The following SLC44A5 variants were observed in gnomAD, a reference collection of about 807,000 sequenced individuals.
SLC44A5 encodes the protein choline transporter-like protein 5.
A neutral mutation model predicts 101.8 loss-of-function variants in SLC44A5; 57 were observed. The observed-to-expected ratio is 0.56, with a 90% CI of 0.45 to 0.70. SLC44A5 has a LOEUF of 0.70. Among genes scored for constraint, SLC44A5 ranks in the 30% least tolerant of loss-of-function variants. SLC44A5 has a pLI of 0.00. For missense variants in SLC44A5, 737 were observed against 853.1 expected (o/e 0.86, Z 1.70); for synonymous variants, 281 against 290.9 (o/e 0.97, Z 0.35).
rs211777 is a variant in SLC44A5 at position 75,557,346 on chromosome 1, T to C, written c.-69-15830A>G. Reference sequence around the variant, plus strand: ...ATGTAGATGACTTTTTAGAGTAGCATTATTTTCTTATCTAATGCAGGCAAC... The same window carrying C: ...ATGTAGATGACTTTTTAGAGTAGCACTATTTTCTTATCTAATGCAGGCAAC... On this transcript the variant is annotated intron_variant, in intron 1 of 23. Transcript: ENST00000370859. Among the ~76,000 whole-genome samples, 1,023 of 152,228 alleles carry C rather than the reference T, an allele frequency of 6.7e-3. 10 individuals are homozygous for C. The highest frequency in any genetic ancestry group is 0.021 in the African/African-American group (865 of 41,554).
intron 3 of SLC44A5, among the ~76,000 whole-genome samples, chr1:75,368,126 T>C (rs1292594638): frequency 6.6e-6 from 1 of 152,186 alleles, no homozygotes; most frequent in Non-Finnish European, 1.5e-5. Context: ...AATATCAATA[T>C]TACTGAGAAA....
the SLC44A5 span, among the ~76,000 whole-genome samples, chr1:75,694,704 G>A: frequency 6.6e-6 from 1 of 152,098 alleles, no homozygotes; most frequent in African/African-American, 2.4e-5. Context: ...TAAAATCTAT[G>A]TAAATGTGTA....
In SLC44A5 at chr1:75,218,551, T is replaced by C; in HGVS notation, c.1468A>G (p.Met490Val). The change falls in exon 17 of 24, where the codon ATG becomes GTG. Residue 490 changes from methionine to valine, a missense_variant. Around this residue, in one of 3 missense-constraint regions of SLC44A5, gnomAD observed 665 missense variants for 764.4 expected, o/e 0.87. Coordinates refer to ENST00000370859, the MANE Select transcript of SLC44A5 (RefSeq NM_001130058.2). The stretch of plus-strand genomic sequence containing the variant: ...CGTGGGATGTCATCAGGTTTTTTCA[T>C]GGCCCAGTAATAAGTAGCGAATGCA... ...AGAFATYYWA[M>V]KKPDDIPRYP... The C allele has an allele frequency of 2.5e-6, 4 of 1,613,834 alleles. No homozygotes were observed. Among genetic ancestry groups the C allele is most frequent in the Non-Finnish European group, 2.5e-6 (3 of 1,179,776 alleles).
chr1:75,227,849 G>A lies in SLC44A5; in HGVS notation c.862C>T (p.His288Tyr), dbSNP rs998502531. 3 of 1,582,210 alleles carry A rather than the reference G, an allele frequency of 1.9e-6. No individual in the cohort carries two copies. Among genetic ancestry groups the A allele is most frequent in the African/African-American group, 2.8e-5 (2 of 72,718 alleles). ...VIGIIGYGIWHCYQQYTNLQE... is the reference protein window; with the variant it reads ...VIGIIGYGIWYCYQQYTNLQE... ...AGATTGGTGTACTGCTGGTAACAGT[G>A]CCATATTCCTTGAAAAAGAAAGAAA... Residue 288 changes from histidine to tyrosine, a missense_variant, in exon 13 of 24, where the codon CAC (histidine) becomes TAC (tyrosine). His to Tyr is a moderately conservative substitution (Grantham distance 83). Coordinates refer to ENST00000370859, the MANE Select transcript of SLC44A5 (RefSeq NM_001130058.2).
At chr1:75,695,201 A>T in the SLC44A5 span, among the ~76,000 whole-genome samples, 2 of 152,208 alleles carry the variant, frequency 1.3e-5, no homozygotes, top group Non-Finnish European at 2.9e-5. Context: ...AGTAGCAGAC[A>T]TTCTGCCCAC....
chr1:75,327,750 C>T (rs1468007651), intron 4 of SLC44A5, among the ~76,000 whole-genome samples: 1 of 152,100 alleles, frequency 6.6e-6, no homozygotes, highest in Non-Finnish European at 1.5e-5. Context: ...ATATATTTCC[C>T]CATTAATTCT....
upstream of SLC44A5, among the ~76,000 whole-genome samples, chr1:75,612,676 A>G (rs1215789577): frequency 2.0e-5 from 3 of 152,140 alleles, no homozygotes; most frequent in Non-Finnish European, 4.4e-5. Flanking sequence ...CCGTATCCCT[A>G]GTGTTTTGCA....
the SLC44A5 span, among the ~76,000 whole-genome samples, chr1:75,618,053 T>C: frequency 1.3e-5 from 2 of 152,196 alleles, no homozygotes; most frequent in Non-Finnish European, 2.9e-5. Flanking sequence ...TGTAACTCTT[T>C]TAACTCAATA....
At chr1:75,408,433 A>G (rs1570175950) in intron 2 of SLC44A5, among the ~76,000 whole-genome samples, 1 of 152,198 alleles carries the variant, frequency 6.6e-6, no homozygotes, top group East Asian at 1.9e-4. Flanking sequence ...TTGCAGCACT[A>G]TTCACAACAG....
the SLC44A5 span, among the ~76,000 whole-genome samples, chr1:75,663,869 T>A: frequency 6.6e-6 from 1 of 152,096 alleles, no homozygotes; most frequent in Non-Finnish European, 1.5e-5. Flanking sequence ...AGAAAACTAC[T>A]GGCCAATATC....
intron 2 of SLC44A5, among the ~76,000 whole-genome samples, chr1:75,455,087 A>C (rs948189732): frequency 6.6e-6 from 1 of 152,170 alleles, no homozygotes; most frequent in Non-Finnish European, 1.5e-5. Flanking sequence ...AAAAAGAACA[A>C]AGTCAGAAGC....
chr1:75,226,689 C>T (rs775516725), intron 13 of SLC44A5, among the ~76,000 whole-genome samples: 1 of 151,810 alleles, frequency 6.6e-6, no homozygotes, highest in African/African-American at 2.4e-5. Context: ...TTGAATGTGT[C>T]TTGTCTGGCT....
At chr1:75,690,354 A>G in the SLC44A5 span, among the ~76,000 whole-genome samples, 2 of 152,126 alleles carry the variant, frequency 1.3e-5, no homozygotes, top group Non-Finnish European at 2.9e-5. Context: ...ACAGCATGGG[A>G]GAAACTGCCC....
chr1:75,227,656 T>G, intron 13 of SLC44A5, 70 bp downstream of exon 13: 1 of 1,344,378 alleles, frequency 7.4e-7, no homozygotes, highest in Non-Finnish European at 9.9e-7. Context: ...CCAACCCAAG[T>G]TTTCCTTTAG....
At chr1:75,582,297 G>A (rs746214459) in intron 1 of SLC44A5, 30 of 1,529,858 alleles carry the variant, frequency 2.0e-5, no homozygotes, top group African/African-American at 5.4e-5. Context: ...ATGAGTGCAC[G>A]TGCAAAGGCT....
At chr1:75,669,659 C>A in the SLC44A5 span, among the ~76,000 whole-genome samples, 3 of 152,062 alleles carry the variant, frequency 2.0e-5, no homozygotes, top group African/African-American at 7.2e-5. Flanking sequence ...ACTATAAGTT[C>A]TCCCTTACGT....
the SLC44A5 span, among the ~76,000 whole-genome samples, chr1:75,659,461 G>GAAGT: frequency 2.1e-5 from 1 of 48,318 alleles, no homozygotes; most frequent in East Asian, 2.8e-4. Context: ...AGGAAGGAAG[G>GAAGT]AAGGAAGGAA....
At chr1:75,627,142 G>A in the SLC44A5 span, among the ~76,000 whole-genome samples, 44 of 152,100 alleles carry the variant, frequency 2.9e-4, no homozygotes, top group African/African-American at 8.7e-4. Flanking sequence ...GTGTATTACC[G>A]TAACATGTCG....
chr1:75,656,688 A>G, the SLC44A5 span, among the ~76,000 whole-genome samples: 4 of 152,210 alleles, frequency 2.6e-5, no homozygotes, highest in Non-Finnish European at 2.9e-5. Context: ...AAAAACAAAC[A>G]GCAGAGAAAT....
Sources: allele counts gnomAD v4.1 joint callset (sites outside exome capture counted in the v4.1 genomes callset), GRCh38; gene constraint gnomAD v4.1.1; regional missense constraint gnomAD v4.1.1; transcripts MANE v1.5; gene names NCBI Gene and HGNC (gene_info 2026-07-23, HGNC 2026-07-21).